ADAM28: variants seen among roughly 807,000 people sequenced by gnomAD.
ADAM28 encodes the protein disintegrin and metalloproteinase domain-containing protein 28.
ADAM28 carries 105 observed loss-of-function variants against 101.2 expected under a neutral mutation model. That is an observed-to-expected ratio of 1.04 (90% confidence interval 0.89 to 1.22). The LOEUF (loss-of-function observed/expected upper bound fraction) is 1.22. Ranked by LOEUF, ADAM28 falls within the 50% of genes most tolerant of loss-of-function variation. The pLI, the probability that ADAM28 is intolerant of heterozygous loss-of-function variation, is 0.00. For missense variants in ADAM28, 1,028 were observed against 945.4 expected (o/e 1.09, Z -1.15); for synonymous variants, 322 against 310.6 (o/e 1.04, Z -0.39).
chr8:24,295,346 C>T (rs549160239), intron 1 of ADAM28, among the ~76,000 whole-genome samples: 25 of 152,168 alleles, frequency 1.6e-4, no homozygotes, highest in African/African-American at 4.3e-4. Context: ...CTGATGTGAA[C>T]GTGTTACACC....
At chr8:24,317,366 C>T (rs891511082) in intron 6 of ADAM28, among the ~76,000 whole-genome samples, 1 of 151,924 alleles carries the variant, frequency 6.6e-6, no homozygotes, top group Non-Finnish European at 1.5e-5. Flanking sequence ...ATAGCAATCT[C>T]GGAAATAAAT....
intron 6 of ADAM28, among the ~76,000 whole-genome samples, chr8:24,320,025 A>G (rs1049418035): frequency 1.3e-5 from 2 of 151,982 alleles, no homozygotes; most frequent in African/African-American, 4.8e-5. Flanking sequence ...GGAAGGAATC[A>G]GACCAGAATA....
Position 24,294,159 on chromosome 8 carries a change from G to A in ADAM28, c.10G>A (p.Gly4Ser), listed in dbSNP as rs772020183. The A allele has an allele frequency of 1.9e-6, 3 of 1,614,106 alleles. No homozygotes were observed. The Admixed American group carries it at 5.0e-5, about 27-fold the overall frequency. The change falls in exon 1 of 23, where the codon GGT becomes AGT. Residue 4 changes from glycine to serine, a missense_variant. Physicochemically the swap from Gly to Ser is moderately conservative, Grantham distance 56. Transcript: ENST00000265769. MLQ[G>S]LLPVSLLLSV... ...CCTGGAATCACCCAGCATGTTGCAA[G>A]GTCTCCTGCCAGTCAGTCTCCTCCT...
chr8:24,343,446 T>C, intron 17 of ADAM28, 60 bp from the exon 18 acceptor site: 1 of 1,517,568 alleles, frequency 6.6e-7, no homozygotes, highest in South Asian at 1.1e-5. Flanking sequence ...TATGGATGAG[T>C]AGGGCCTTGA....
intron 14 of ADAM28, among the ~76,000 whole-genome samples, chr8:24,338,814 T>C (rs1814413271): frequency 6.6e-6 from 1 of 152,142 alleles, no homozygotes; most frequent in Admixed American, 6.5e-5. Context: ...GATAGGATTC[T>C]GTTTCCTTAT....
rs770708054 is a variant in ADAM28 at position 24,330,021 on chromosome 8, A to G, written c.1009A>G (p.Met337Val). Reference protein sequence around the residue: ...SDNLLRVAGTMAHEMGHNFGM... With the variant: ...SDNLLRVAGTVAHEMGHNFGM... ...TAATCTTCTTAGAGTTGCAGGGACAATGGCACATGAAATGGGCCACAACTT... is the reference window on the plus strand; with the variant it reads ...TAATCTTCTTAGAGTTGCAGGGACAGTGGCACATGAAATGGGCCACAACTT... Residue 337 changes from methionine to valine, a missense_variant, in exon 11 of 23, where the codon ATG (methionine) becomes GTG (valine). Coordinates refer to ENST00000265769, the MANE Select transcript of ADAM28 (RefSeq NM_014265.6). 2 of 1,613,632 alleles carry G rather than the reference A, an allele frequency of 1.2e-6. No homozygotes were observed. The highest frequency in any genetic ancestry group is 1.7e-6 in the Non-Finnish European group (2 of 1,179,710).
chr8:24,320,424 G>A, intron 7 of ADAM28, 117 bp downstream of exon 7: 1 of 717,844 alleles, frequency 1.4e-6, no homozygotes, highest in South Asian at 2.1e-5. Context: ...ATGAGCTATG[G>A]TTACATGTTC....
At chr8:24,329,884 TGTGAGAGAGAGAGAGAGAGA>T in intron 10 of ADAM28, 81 bp from the exon 11 acceptor site, 1 of 710,112 alleles carries the variant, frequency 1.4e-6, no homozygotes, top group East Asian at 3.7e-5. Context: ...TGTGTGTGTG[TGTGAGAGAGAGAGAGAGAGA>T]GAGAGAGAGA....
intron 13 of ADAM28, among the ~76,000 whole-genome samples, chr8:24,334,346 C>G (rs1393715779): frequency 6.6e-6 from 1 of 152,076 alleles, no homozygotes; most frequent in Admixed American, 6.6e-5. Context: ...AAGTTCAGCA[C>G]TCAGACACAT....
intron 1 of ADAM28, among the ~76,000 whole-genome samples, chr8:24,299,181 G>C (rs1265152744): frequency 6.6e-6 from 1 of 152,134 alleles, no homozygotes; most frequent in Non-Finnish European, 1.5e-5. Flanking sequence ...GACAGAGTGA[G>C]ACATTGTCTC....
At chr8:24,351,399 AC>A (rs753414622) in intron 20 of ADAM28, 89 bp downstream of exon 20, 34 of 1,343,576 alleles carry the variant, frequency 2.5e-5, no homozygotes, top group Non-Finnish European at 3.5e-5. Flanking sequence ...TATCATTTCT[AC>A]CCAGCAGCGT....
chr8:24,352,485 G>A (rs1816282626), intron 21 of ADAM28, among the ~76,000 whole-genome samples: 1 of 152,156 alleles, frequency 6.6e-6, no homozygotes, highest in Non-Finnish European at 1.5e-5. Flanking sequence ...CAGAGGGAGA[G>A]CATCTCTCTT....
chr8:24,352,072 T>TA lies in ADAM28; in HGVS notation c.2244+23dup. ...TCTTTTGTGAGTTAGCAACTTCTCT[T>TA]AAATACCACCCTAGTTCAATCTCCA... On this transcript the variant is annotated intron_variant, in intron 21 of 22. Coordinates refer to ENST00000265769, the MANE Select transcript of ADAM28 (RefSeq NM_014265.6). 6.2e-7 allele frequency: 1 copy of TA among 1,608,712 alleles called. No homozygotes were observed. Among genetic ancestry groups the TA allele is most frequent in the Non-Finnish European group, 8.5e-7 (1 of 1,175,204 alleles).
intron 18 of ADAM28, among the ~76,000 whole-genome samples, chr8:24,345,346 C>G (rs1455402397): frequency 6.6e-6 from 1 of 151,928 alleles, no homozygotes; most frequent in Non-Finnish European, 1.5e-5. Flanking sequence ...CAAAATATCT[C>G]CACTGTGTGA....
chr8:24,316,560 C>G (rs532578126), intron 6 of ADAM28, among the ~76,000 whole-genome samples: 37 of 152,104 alleles, frequency 2.4e-4, no homozygotes, highest in African/African-American at 8.9e-4. Context: ...TAAGGTTTAC[C>G]TGCCCACTCT....
At chr8:24,353,024 T>C (rs1339559571) in intron 21 of ADAM28, among the ~76,000 whole-genome samples, 3 of 152,156 alleles carry the variant, frequency 2.0e-5, no homozygotes, top group Non-Finnish European at 4.4e-5. Flanking sequence ...ACTTTTGAGG[T>C]TAACTTGAAA....
chr8:24,330,164 T>C (rs375898973), intron 11 of ADAM28, 49 bp downstream of exon 11: 2 of 1,591,012 alleles, frequency 1.3e-6, no homozygotes, highest in Non-Finnish European at 1.7e-6. Context: ...CTGGTTTTGA[T>C]CCACTGTGGG....
Position 24,349,884 on chromosome 8 carries a change from G to A in ADAM28, c.2011G>A (p.Val671Met). Residue 671 changes from valine to methionine, a missense_variant, in exon 19 of 23, where the codon GTG (valine) becomes ATG (methionine). Val to Met is a conservative substitution (Grantham distance 21). Transcript: ENST00000265769. ...TGCAGACTTCTCCATTGTGGTTGGG[G>A]TGCTGTTCCCAATGGCGGTCATTTT... ...VVFHFSIVVGVLFPMAVIFVV... is the reference protein window; with the variant it reads ...VVFHFSIVVGMLFPMAVIFVV... 5 of 1,613,692 alleles carry A rather than the reference G, an allele frequency of 3.1e-6. No homozygotes were observed. The highest frequency in any genetic ancestry group is 2.5e-6 in the Non-Finnish European group (3 of 1,179,768).
chr8:24,316,853 A>G (rs1450833597), intron 6 of ADAM28, among the ~76,000 whole-genome samples: 1 of 152,058 alleles, frequency 6.6e-6, no homozygotes, highest in Non-Finnish European at 1.5e-5. Context: ...AACACTAACA[A>G]ATAAGTTCAA....
Sources: gnomAD v4.1 joint callset for allele counts (sites outside exome capture counted in the v4.1 genomes callset) on GRCh38, gnomAD v4.1.1 for gene constraint, MANE v1.5 for transcripts, NCBI Gene and HGNC (gene_info 2026-07-23, HGNC 2026-07-21) for gene names.